AP3B1: variants seen among roughly 807,000 people sequenced by gnomAD.
AP3B1 encodes adaptor related protein complex 3 subunit beta 1.
Under a neutral mutation model 132.5 loss-of-function variants are expected in AP3B1, and 61 were observed. That is an observed-to-expected ratio of 0.46 (90% confidence interval 0.37 to 0.57). The LOEUF is 0.57. Among genes scored for constraint, AP3B1 ranks in the 20% least tolerant of loss-of-function variants. The pLI, the probability that AP3B1 is intolerant of heterozygous loss-of-function variation, is 0.00. For missense variants in AP3B1, 1,120 were observed against 1,289.4 expected, an observed-to-expected ratio of 0.87 and a Z score of 2.01; for synonymous variants, 388 against 438.3, an observed-to-expected ratio of 0.89 and a Z score of 1.43.
rs1259577312 is a variant in AP3B1 at position 78,175,816 on chromosome 5, G to GATA, written c.1062_1063insTAT (p.Leu354_Gln355insTyr). ...TGAATTGACATAGTTGCTATATTTT[G>GATA]TAGGACAATATACTGCACCTCCCTA... On this transcript the variant is annotated inframe_insertion, in exon 10 of 27. Coordinates refer to ENST00000255194, the MANE Select transcript of AP3B1 (RefSeq NM_003664.5). 6.2e-7 allele frequency: 1 copy of GATA among 1,611,688 alleles called. No individual in the cohort carries two copies. Among genetic ancestry groups the GATA allele is most frequent in the Non-Finnish European group, 8.5e-7 (1 of 1,179,014 alleles).
intron 3 of AP3B1, among the ~76,000 whole-genome samples, 198 bp downstream of exon 3, chr5:78,240,664 A>G (rs1194612632): frequency 6.6e-6 from 1 of 152,206 alleles, no homozygotes; most frequent in Admixed American, 6.5e-5. Context: ...TTTGCTTTTC[A>G]TATTTTCTAC....
chr5:78,177,321 T>C lies in AP3B1; in HGVS notation c.1040+18A>G, dbSNP rs199956209. On this transcript the variant is annotated intron_variant, in intron 9 of 26. Coordinates refer to ENST00000255194, the MANE Select transcript of AP3B1 (RefSeq NM_003664.5). ...GAAGGAATACAAAAGAAAAAATATA[T>C]ATAAAATCATGACCTACCTATTGCT... The C allele has an allele frequency of 4.5e-6, 7 of 1,540,122 alleles. No homozygotes were observed. Among genetic ancestry groups the C allele is most frequent in the Non-Finnish European group, 6.3e-6 (7 of 1,114,610 alleles).
chr5:78,026,942 CT>C (rs1747363076), intron 24 of AP3B1, among the ~76,000 whole-genome samples: 1 of 152,098 alleles, frequency 6.6e-6, no homozygotes, highest in African/African-American at 2.4e-5. Context: ...TATTCTTAGC[CT>C]TTTCCTTACC....
intron 26 of AP3B1, among the ~76,000 whole-genome samples, chr5:78,003,848 T>C (rs184541190): frequency 2.6e-5 from 4 of 152,350 alleles, no homozygotes; most frequent in Admixed American, 2.6e-4. Context: ...GAAAAGCCGT[T>C]GCAGGCATAA....
chr5:78,049,875 AC>A (rs765794794), intron 22 of AP3B1, among the ~76,000 whole-genome samples: 2 of 152,228 alleles, frequency 1.3e-5, no homozygotes, highest in Non-Finnish European at 2.9e-5. Flanking sequence ...ATATGAGTTT[AC>A]CTGTATAACA....
intron 23 of AP3B1, among the ~76,000 whole-genome samples, chr5:78,038,661 T>C (rs1421749129): frequency 1.3e-5 from 2 of 152,152 alleles, no homozygotes; most frequent in Non-Finnish European, 2.9e-5. Flanking sequence ...TATTCAGAAA[T>C]GCAGAGCGAT....
chr5:78,082,826 T>A (rs1208776239), intron 22 of AP3B1, among the ~76,000 whole-genome samples: 1 of 152,124 alleles, frequency 6.6e-6, no homozygotes, highest in Non-Finnish European at 1.5e-5. Flanking sequence ...GAACCCTTTT[T>A]TTTTTTTAGA....
At chr5:78,010,592 G>A (rs1424618204) in intron 26 of AP3B1, among the ~76,000 whole-genome samples, 1 of 152,082 alleles carries the variant, frequency 6.6e-6, no homozygotes, top group Non-Finnish European at 1.5e-5. Flanking sequence ...CAGTTTCCAC[G>A]ACATTGAACA....
chr5:78,265,062 T>C (rs1006108538), intron 2 of AP3B1, among the ~76,000 whole-genome samples: 1 of 152,232 alleles, frequency 6.6e-6, no homozygotes, highest in East Asian at 1.9e-4. Context: ...TCTTTTACTG[T>C]CAGTTATAAA....
intron 22 of AP3B1, among the ~76,000 whole-genome samples, chr5:78,049,723 T>C (rs1020206151): frequency 6.6e-6 from 1 of 152,204 alleles, no homozygotes; most frequent in Non-Finnish European, 1.5e-5. Context: ...CCTAATTGGT[T>C]TCCTTGTTCC....
intron 22 of AP3B1, among the ~76,000 whole-genome samples, chr5:78,081,452 C>A (rs1050521983): frequency 1.3e-4 from 19 of 151,844 alleles, no homozygotes; most frequent in African/African-American, 3.6e-4. Context: ...GGACTACAGG[C>A]GCCCGCCACT....
intron 17 of AP3B1, among the ~76,000 whole-genome samples, chr5:78,118,215 T>A (rs971518976): frequency 6.6e-6 from 1 of 152,214 alleles, no homozygotes. Flanking sequence ...GGAGCCAAGA[T>A]GGCCGAATAG....
At chr5:78,079,998 C>A (rs1475315275) in intron 22 of AP3B1, among the ~76,000 whole-genome samples, 1 of 152,006 alleles carries the variant, frequency 6.6e-6, no homozygotes, top group Non-Finnish European at 1.5e-5. Context: ...CCTATGTATT[C>A]TTTTGTAATT....
At chr5:78,244,114 G>A (rs977248539) in intron 2 of AP3B1, among the ~76,000 whole-genome samples, 3 of 152,110 alleles carry the variant, frequency 2.0e-5, no homozygotes, top group Admixed American at 6.6e-5. Context: ...GAAGGGACAT[G>A]AATTAAGAAG....
chr5:78,161,905 T>C (rs1743402355), intron 13 of AP3B1, among the ~76,000 whole-genome samples: 1 of 152,028 alleles, frequency 6.6e-6, no homozygotes, highest in Non-Finnish European at 1.5e-5. Context: ...GATTATAGGA[T>C]TCTTGTACTA....
chr5:78,280,981 A>ATT (rs35820660), intron 1 of AP3B1, among the ~76,000 whole-genome samples: 1 of 152,048 alleles, frequency 6.6e-6, no homozygotes, highest in African/African-American at 2.4e-5. Flanking sequence ...TTTTACCACA[A>ATT]TTTTTTAAAG....
chr5:78,041,131 G>A (rs897175577), intron 22 of AP3B1, among the ~76,000 whole-genome samples: 2 of 152,094 alleles, frequency 1.3e-5, no homozygotes, highest in East Asian at 1.9e-4. Flanking sequence ...AAAATTAACC[G>A]GGTATGGTGG....
At chr5:78,101,317 C>A (rs1212806826) in intron 20 of AP3B1, 1 of 459,172 alleles carries the variant, frequency 2.2e-6, no homozygotes, top group Non-Finnish European at 4.2e-6. Flanking sequence ...TTCTTGCTAA[C>A]ATAAAAACGT....
intron 13 of AP3B1, among the ~76,000 whole-genome samples, chr5:78,159,675 A>G (rs1223344134): frequency 2.0e-5 from 3 of 152,194 alleles, no homozygotes; most frequent in African/African-American, 7.2e-5. Flanking sequence ...ACTTGACTTA[A>G]TCAATCTGCG....
Sources: allele counts gnomAD v4.1 joint callset (sites outside exome capture counted in the v4.1 genomes callset), GRCh38; gene constraint gnomAD v4.1.1; transcripts MANE v1.5; gene names NCBI Gene and HGNC (gene_info 2026-07-23, HGNC 2026-07-21).